Variants in EPHA7 observed in about 807,000 individuals in gnomAD.
The protein encoded by EPHA7 is EPH receptor A7, also known as ephrin type-A receptor 7.
EPHA7 carries 25 observed loss-of-function variants against 112.6 expected under a neutral mutation model. The ratio of observed to expected loss-of-function variants is 0.22; its 90% CI spans 0.16 to 0.31. The LOEUF (loss-of-function observed/expected upper bound fraction) is 0.31, where lower values mean the gene tolerates loss of function less well. EPHA7 is among the 10% of genes least tolerant of loss of function. The pLI, the probability that EPHA7 is intolerant of heterozygous loss-of-function variation, is 1.00. For missense variants in EPHA7, 962 were observed against 1,212.6 expected (o/e 0.79, Z 3.07); for synonymous variants, 437 against 406.5 (o/e 1.07, Z -0.90).
chr6:93,414,721 A>C lies in EPHA7; in HGVS notation c.144T>G (p.Ile48Met). ...AACTTACCCCATTGGGTGGAGAGGA[A>C]ATCCACTCCAACTCTGTTTGTTGTG... The part of the protein sequence containing the change: ...SKAQQTELEW[I>M]SSPPNGWEEI... Residue 48 changes from isoleucine to methionine, a missense_variant, in exon 2 of 17, where the codon ATT becomes ATG. Around this residue, in one of 3 missense-constraint regions of EPHA7, gnomAD observed 56 missense variants for 59.9 expected, o/e 0.94. Transcript: ENST00000369303. The C allele has an allele frequency of 5.0e-6, 8 of 1,612,300 alleles. No homozygotes were observed. The highest frequency in any genetic ancestry group is 6.8e-6 in the Non-Finnish European group (8 of 1,178,796).
chr6:93,329,496 T>C (rs1487338623), intron 5 of EPHA7, among the ~76,000 whole-genome samples: 7 of 151,368 alleles, frequency 4.6e-5, no homozygotes, highest in Non-Finnish European at 1.0e-4. Flanking sequence ...ACTTCACACC[T>C]AATAAAGAAC....
intron 5 of EPHA7, among the ~76,000 whole-genome samples, chr6:93,329,397 A>G (rs1774477600): frequency 6.6e-6 from 1 of 151,460 alleles, no homozygotes; most frequent in South Asian, 2.1e-4. Context: ...ATTATAAGCA[A>G]TATTAATGTA....
At chr6:93,356,148 T>C (rs1775931785) in intron 5 of EPHA7, among the ~76,000 whole-genome samples, 1 of 152,070 alleles carries the variant, frequency 6.6e-6, no homozygotes. Context: ...TCCCCTCCTC[T>C]AGATCTTTCA....
At chr6:93,361,116 T>C (rs1055435579) in intron 3 of EPHA7, among the ~76,000 whole-genome samples, 1 of 152,116 alleles carries the variant, frequency 6.6e-6, no homozygotes, top group African/African-American at 2.4e-5. Flanking sequence ...ACACTGATGA[T>C]ACCTGCACAA....
At chr6:93,417,858 G>T (rs966110699) in intron 1 of EPHA7, among the ~76,000 whole-genome samples, 1 of 152,080 alleles carries the variant, frequency 6.6e-6, no homozygotes, top group Non-Finnish European at 1.5e-5. Context: ...TGCAGATGTG[G>T]AAAGTGGGGT....
At chr6:93,294,544 A>G (rs1772554499) in intron 5 of EPHA7, among the ~76,000 whole-genome samples, 1 of 152,138 alleles carries the variant, frequency 6.6e-6, no homozygotes, top group Non-Finnish European at 1.5e-5. Context: ...TTTTTTTAAG[A>G]AGAAAAAAAT....
At position 93,413,086 on chromosome 6, in the gene EPHA7, G is replaced by A. The variant is rs965009323; in HGVS notation, c.162+1617C>T. 7.2e-5 allele frequency among the ~76,000 whole-genome samples: 11 copies of A among 151,772 alleles called. 1 individual carries two copies. In the South Asian group the frequency reaches 8.3e-4, roughly 11 times the overall value. ...CATTATGAACATTTCCACAAATGAC[G>A]CCATTGGGAAAAATGTCTTCATTCA... On this transcript the variant is annotated intron_variant, in intron 2 of 16. Transcript: ENST00000369303.
At chr6:93,331,555 TA>T (rs1293882245) in intron 5 of EPHA7, among the ~76,000 whole-genome samples, 1 of 151,504 alleles carries the variant, frequency 6.6e-6, no homozygotes, top group Non-Finnish European at 1.5e-5. Context: ...GAATGCATAC[TA>T]AATTTATTTC....
At chr6:93,414,360 T>C (rs958976283) in intron 2 of EPHA7, among the ~76,000 whole-genome samples, 2 of 151,956 alleles carry the variant, frequency 1.3e-5, no homozygotes, top group Non-Finnish European at 2.9e-5. Context: ...ATGGTGATTA[T>C]ACTAGAAATA....
At chr6:93,268,158 T>C (rs1300946454) in intron 7 of EPHA7, among the ~76,000 whole-genome samples, 1 of 151,720 alleles carries the variant, frequency 6.6e-6, no homozygotes, top group Non-Finnish European at 1.5e-5. Context: ...TCATGAATAA[T>C]GGTATTAAGT....
In EPHA7 at chr6:93,298,599, C is replaced by T. The variant is rs73530383; in HGVS notation, c.1325-26177G>A. On this transcript the variant is annotated intron_variant, in intron 5 of 16. Transcript: ENST00000369303. ...AGAGGCCTAAAGAGACACTGATACA[C>T]ACTACATACACTGCCAATAAGGATA... 1.6e-3 allele frequency among the ~76,000 whole-genome samples: 240 copies of T among 152,260 alleles called. 1 individual carries two copies. The highest frequency in any genetic ancestry group is 5.5e-3 in the African/African-American group (230 of 41,562).
chr6:93,332,526 A>C (rs889975496), intron 5 of EPHA7, among the ~76,000 whole-genome samples: 4 of 148,506 alleles, frequency 2.7e-5, no homozygotes, highest in Admixed American at 2.7e-4. Context: ...TAGGAACTCA[A>C]TTATAATGTT....
rs1779420848 is a variant in EPHA7 at position 93,419,472 on chromosome 6, C to T, written c.-131G>A. 2 of 667,952 alleles carry T rather than the reference C, an allele frequency of 3.0e-6. No individual in the cohort carries two copies. Among genetic ancestry groups the T allele is most frequent in the South Asian group, 4.1e-5 (2 of 49,266 alleles). 41.4% of individuals were successfully genotyped at this position (667,952 alleles called of 1,614,324 possible). A position where few individuals can be genotyped will look rare whatever the true frequency, so the allele number is the denominator to read the frequency against. On this transcript the variant is annotated 5_prime_UTR_variant, in exon 1 of 17. Transcript: ENST00000369303. ...ATTCCCCTTCTCGGTCCCCGATCGG[C>T]TGCTCCACGTTTAGCTTTTTTTAAT...
At chr6:93,331,018 C>A (rs1383984674) in intron 5 of EPHA7, among the ~76,000 whole-genome samples, 1 of 151,472 alleles carries the variant, frequency 6.6e-6, no homozygotes, top group Non-Finnish European at 1.5e-5. Flanking sequence ...GATGATCGGT[C>A]TGTTTAGGTT....
intron 3 of EPHA7, among the ~76,000 whole-genome samples, chr6:93,370,070 A>C (rs928133860): frequency 4.6e-5 from 7 of 152,292 alleles, no homozygotes; most frequent in African/African-American, 1.4e-4. Flanking sequence ...GATGATTTTA[A>C]CATGATTCTG....
chr6:93,272,243 A>G, intron 6 of EPHA7, 55 bp downstream of exon 6: 1 of 1,601,074 alleles, frequency 6.2e-7, no homozygotes, highest in Non-Finnish European at 8.5e-7. Flanking sequence ...ACAATACAGT[A>G]GGATGACATG....
At chr6:93,409,101 A>G (rs1778852671) in intron 3 of EPHA7, among the ~76,000 whole-genome samples, 1 of 152,072 alleles carries the variant, frequency 6.6e-6, no homozygotes, top group South Asian at 2.1e-4. Flanking sequence ...TGGGTTCAGT[A>G]CTATATAGCA....
At chr6:93,348,047 T>C (rs1326314725) in intron 5 of EPHA7, among the ~76,000 whole-genome samples, 1 of 151,802 alleles carries the variant, frequency 6.6e-6, no homozygotes, top group Non-Finnish European at 1.5e-5. Flanking sequence ...GCATGTCCAT[T>C]AAACAGTATG....
At chr6:93,409,687 T>C (rs944249137) in intron 3 of EPHA7, 1 of 151,780 alleles carries the variant, frequency 6.6e-6, no homozygotes, top group African/African-American at 2.4e-5. Context: ...TCATGAAACC[T>C]AGAAACAGAA....
Sources: allele counts gnomAD v4.1 joint callset (sites outside exome capture counted in the v4.1 genomes callset), GRCh38; gene constraint gnomAD v4.1.1; regional missense constraint gnomAD v4.1.1; transcripts MANE v1.5; gene names NCBI Gene and HGNC (gene_info 2026-07-23, HGNC 2026-07-21).